CD86: variants seen among roughly 807,000 people sequenced by gnomAD.
CD86 encodes T-lymphocyte activation antigen CD86.
CD86 carries 11 observed loss-of-function variants against 32.1 expected under a neutral mutation model. That is an observed-to-expected ratio of 0.34 (90% CI 0.22 to 0.57). The LOEUF is 0.57. CD86 is among the 20% of genes least tolerant of loss of function. The probability of loss-of-function intolerance (pLI) is 0.86; values close to 1 mark genes in which losing one functional copy is unlikely to be tolerated. For synonymous variants in CD86, 137 were observed against 135.3 expected, an observed-to-expected ratio of 1.01 and a Z score of -0.09; for missense variants, 359 against 398.4, an observed-to-expected ratio of 0.90 and a Z score of 0.84.
chr3:122,056,122 G>C (rs2072230484), intron 1 of CD86, among the ~76,000 whole-genome samples: 1 of 152,100 alleles, frequency 6.6e-6, no homozygotes, highest in Admixed American at 6.5e-5. Flanking sequence ...CTTTTGGAAA[G>C]ACATCATCAT....
chr3:122,059,881 G>A (rs1053916967), intron 1 of CD86, among the ~76,000 whole-genome samples: 1 of 152,170 alleles, frequency 6.6e-6, no homozygotes, highest in Non-Finnish European at 1.5e-5. Flanking sequence ...GCGGTGTGAA[G>A]ACACAGGGCG....
intron 1 of CD86, among the ~76,000 whole-genome samples, chr3:122,057,287 G>T (rs988225789): frequency 6.6e-6 from 1 of 152,120 alleles, no homozygotes; most frequent in Admixed American, 6.5e-5. Context: ...TGTTTGTAAA[G>T]TTTTAGTGAT....
chr3:122,063,202 T>C (rs2107500333), intron 1 of CD86, among the ~76,000 whole-genome samples: 1 of 152,298 alleles, frequency 6.6e-6, no homozygotes, highest in South Asian at 2.1e-4. Flanking sequence ...TTTACAAAGA[T>C]TTTTTTGCTC....
At chr3:122,096,708 A>G (rs534040024) in intron 2 of CD86, among the ~76,000 whole-genome samples, 5 of 152,328 alleles carry the variant, frequency 3.3e-5, no homozygotes, top group African/African-American at 4.8e-5. Context: ...TAATTTGCCT[A>G]TGGTAACACA....
At chr3:122,069,638 TCTGGCTTAGC>T (rs988040038) in intron 1 of CD86, among the ~76,000 whole-genome samples, 1 of 152,188 alleles carries the variant, frequency 6.6e-6, no homozygotes, top group Non-Finnish European at 1.5e-5. Flanking sequence ...ACAGTCCTTC[TCTGGCTTAGC>T]CTTCCTTCCC....
intron 1 of CD86, among the ~76,000 whole-genome samples, chr3:122,088,055 G>A (rs2072752944): frequency 6.6e-6 from 1 of 152,026 alleles, no homozygotes; most frequent in African/African-American, 2.4e-5. Flanking sequence ...AATTTGATTT[G>A]TGTCCCTGTT....
At chr3:122,106,932 T>C (rs563850777) in intron 4 of CD86, among the ~76,000 whole-genome samples, 1 of 151,832 alleles carries the variant, frequency 6.6e-6, no homozygotes, top group Non-Finnish European at 1.5e-5. Flanking sequence ...TTTGGGACAT[T>C]ATTGGTCACA....
At chr3:122,103,914 A>T in intron 3 of CD86, 67 bp downstream of exon 3, 1 of 1,342,194 alleles carries the variant, frequency 7.5e-7, no homozygotes, top group Non-Finnish European at 1.0e-6. Flanking sequence ...TGAGTTAGAA[A>T]AACACTGGAG....
intron 1 of CD86, among the ~76,000 whole-genome samples, chr3:122,055,857 G>A (rs1428571910): frequency 2.0e-5 from 3 of 152,098 alleles, no homozygotes; most frequent in Non-Finnish European, 1.5e-5. Context: ...ACCAGGGTCA[G>A]TTTGGTCTGA....
intron 5 of CD86, among the ~76,000 whole-genome samples, chr3:122,115,070 G>A (rs190096545): frequency 6.8e-4 from 104 of 152,276 alleles, no homozygotes; most frequent in African/African-American, 2.4e-3. Context: ...TGGAAAGGAA[G>A]TAAAACTGTC....
chr3:122,103,570 A>G lies in CD86; in HGVS notation c.123A>G (p.Gln41=), dbSNP rs763378254. The G allele has an allele frequency of 9.9e-6, 16 of 1,613,762 alleles. No homozygotes were observed. The highest frequency in any genetic ancestry group is 5.0e-5 in the Admixed American group (3 of 59,986). The part of the protein sequence containing the change: ...YFNETADLPC[Q]FANSQNQSLS... The stretch of plus-strand genomic sequence containing the variant: ...ATGAGACTGCAGACCTGCCATGCCA[A>G]TTTGCAAACTCTCAAAACCAAAGCC... Residue 41 remains glutamine (Q), a synonymous_variant, in exon 3 of 7, where the codon CAA becomes CAG. Transcript: ENST00000330540.
At chr3:122,097,227 A>G (rs2072921694) in intron 2 of CD86, among the ~76,000 whole-genome samples, 1 of 152,144 alleles carries the variant, frequency 6.6e-6, no homozygotes, top group Non-Finnish European at 1.5e-5. Context: ...CCTTTCTTCA[A>G]CAATTACTTA....
rs1434937749 is a variant in CD86 at position 122,118,085 on chromosome 3, C to T, written c.885C>T (p.Thr295=). ...TGGAGAGGGAAGAGAGTGAACAGACCAAGAAAAGGTAAATCCTGACCCTGA... is the reference window on the plus strand; with the variant it reads ...TGGAGAGGGAAGAGAGTGAACAGACTAAGAAAAGGTAAATCCTGACCCTGA... ...NTMEREESEQ[T]KKREKIHIPE... Residue 295 remains threonine, a synonymous_variant, in exon 6 of 7, where the codon ACC becomes ACT. Transcript: ENST00000330540. 6.2e-7 allele frequency: 1 copy of T among 1,609,424 alleles called. No homozygotes were observed. Among genetic ancestry groups the T allele is most frequent in the South Asian group, 1.1e-5 (1 of 90,706 alleles).
At chr3:122,088,669 A>T (rs758878046) in intron 1 of CD86, among the ~76,000 whole-genome samples, 1 of 152,242 alleles carries the variant, frequency 6.6e-6, no homozygotes, top group Non-Finnish European at 1.5e-5. Context: ...AGAATATGAG[A>T]ATTGAACAAG....
intron 1 of CD86, among the ~76,000 whole-genome samples, chr3:122,083,943 T>A (rs1457949585): frequency 2.0e-5 from 3 of 152,256 alleles, no homozygotes; most frequent in Non-Finnish European, 4.4e-5. Context: ...ATGTGACTAC[T>A]ACAAGTTTTC....
At chr3:122,069,754 GC>G (rs1173768847) in intron 1 of CD86, among the ~76,000 whole-genome samples, 1 of 152,046 alleles carries the variant, frequency 6.6e-6, no homozygotes, top group Non-Finnish European at 1.5e-5. Flanking sequence ...TTCTAGGCAT[GC>G]CCCAGAACAC....
chr3:122,087,961 A>G (rs1263317402), intron 1 of CD86, among the ~76,000 whole-genome samples: 1 of 152,176 alleles, frequency 6.6e-6, no homozygotes, highest in Non-Finnish European at 1.5e-5. Context: ...TACAGGGGCC[A>G]TTTGTCCAAG....
intron 1 of CD86, among the ~76,000 whole-genome samples, chr3:122,089,392 A>G (rs1465909075): frequency 6.6e-6 from 1 of 152,256 alleles, no homozygotes; most frequent in Non-Finnish European, 1.5e-5. Flanking sequence ...TCCTATTGCT[A>G]AAGATCACAA....
chr3:122,080,779 G>A (rs1253935342), intron 1 of CD86, among the ~76,000 whole-genome samples: 1 of 152,198 alleles, frequency 6.6e-6, no homozygotes, highest in East Asian at 1.9e-4. Flanking sequence ...GCTAGAAGGA[G>A]ACATGGCTGG....
Sources: gnomAD v4.1 joint callset for allele counts (sites outside exome capture counted in the v4.1 genomes callset) on GRCh38, gnomAD v4.1.1 for gene constraint, MANE v1.5 for transcripts, NCBI Gene and HGNC (gene_info 2026-07-23, HGNC 2026-07-21) for gene names.